PAM: variants seen among roughly 807,000 people sequenced by gnomAD.
The protein encoded by PAM is peptidyl-glycine alpha-amidating monooxygenase.
Under a neutral mutation model 122.1 loss-of-function variants are expected in PAM, and 72 were observed. That is an observed-to-expected ratio of 0.59 (90% CI 0.49 to 0.72). The LOEUF (loss-of-function observed/expected upper bound fraction) is 0.72. Among genes scored for constraint, PAM ranks in the 30% least tolerant of loss-of-function variants. The pLI, the probability that PAM is intolerant of heterozygous loss-of-function variation, is 0.00. For missense variants in PAM, 1,106 were observed against 1,183.7 expected (o/e 0.93, Z 0.96); for synonymous variants, 389 against 404.4 (o/e 0.96, Z 0.46).
chr5:103,005,318 T>C (rs375718677), intron 18 of PAM, 92 bp downstream of exon 18: 1 of 772,218 alleles, frequency 1.3e-6, no homozygotes, highest in East Asian at 2.5e-5. Flanking sequence ...TGTTTGTTTG[T>C]TTTTTCTTCT....
rs1438436024 is a variant in PAM, at chr5:102,867,186, G to A, written c.90-87G>A. 3 of 859,560 alleles carry A rather than the reference G, an allele frequency of 3.5e-6. No homozygotes were observed. The African/African-American group carries it at 5.0e-5, about 14-fold the overall frequency. The allele number at this position is 859,560 out of a possible 1,614,324, so 53.2% of individuals were successfully genotyped here. On this transcript the variant is annotated intron_variant, in intron 2 of 25. Transcript: ENST00000438793. The stretch of plus-strand genomic sequence containing the variant: ...TTGGGTTTAAATCAATCATCTTTAA[G>A]GTCATAGAATTCCTTTCTTTCCCCT...
chr5:102,866,390 G>A, intron 2 of PAM, 106 bp downstream of exon 2: 1 of 726,620 alleles, frequency 1.4e-6, no homozygotes, highest in South Asian at 1.6e-5. Context: ...GTTCTTTGCT[G>A]GAATGACTTG....
At chr5:102,782,345 A>G (rs1035594086) in intron 1 of PAM, among the ~76,000 whole-genome samples, 1 of 152,216 alleles carries the variant, frequency 6.6e-6, no homozygotes, top group African/African-American at 2.4e-5. Flanking sequence ...ATACAAAGTC[A>G]TCTTCCTTGT....
intron 4 of PAM, among the ~76,000 whole-genome samples, chr5:102,912,352 A>G (rs1801658912): frequency 6.6e-6 from 1 of 152,026 alleles, no homozygotes; most frequent in South Asian, 2.1e-4. Context: ...AGATGTTCAT[A>G]AAGTAGTATA....
At chr5:102,767,307 A>G (rs984931380) in intron 1 of PAM, among the ~76,000 whole-genome samples, 3 of 152,272 alleles carry the variant, frequency 2.0e-5, no homozygotes, top group South Asian at 2.1e-4. Context: ...TGGAGAATAT[A>G]TAAGTGCACC....
intron 5 of PAM, among the ~76,000 whole-genome samples, 175 bp from the exon 6 acceptor site, chr5:102,924,782 A>G (rs747709158): frequency 2.0e-5 from 3 of 151,772 alleles, no homozygotes; most frequent in Non-Finnish European, 4.4e-5. Flanking sequence ...TTTTTCACAC[A>G]GTAATAGTTC....
intron 7 of PAM, among the ~76,000 whole-genome samples, chr5:102,932,361 G>A (rs1751826768): frequency 6.6e-6 from 1 of 151,974 alleles, no homozygotes; most frequent in Non-Finnish European, 1.5e-5. Context: ...CGTGGTGTGT[G>A]CCTGTAATCC....
chr5:103,020,303 C>T (rs1443864031), intron 23 of PAM, among the ~76,000 whole-genome samples: 2 of 152,104 alleles, frequency 1.3e-5, no homozygotes, highest in South Asian at 4.1e-4. Context: ...TAGCTTCTAT[C>T]GTAGTACCAT....
chr5:102,963,882 A>T (rs190677087), intron 14 of PAM, among the ~76,000 whole-genome samples: 1 of 150,052 alleles, frequency 6.7e-6, no homozygotes, highest in Non-Finnish European at 1.5e-5. Flanking sequence ...TATATATAGT[A>T]TTATATATAT....
intron 1 of PAM, among the ~76,000 whole-genome samples, chr5:102,851,726 A>G (rs1781393752): frequency 6.6e-6 from 1 of 152,228 alleles, no homozygotes; most frequent in Non-Finnish European, 1.5e-5. Flanking sequence ...TTGTTTTAAT[A>G]TCTTAAAATA....
At chr5:102,990,148 T>G in intron 15 of PAM, 124 bp from the exon 16 acceptor site, 1 of 621,962 alleles carries the variant, frequency 1.6e-6, no homozygotes, top group Non-Finnish European at 2.6e-6. Flanking sequence ...CACGGCTTGA[T>G]TGTCTTTTTT....
chr5:102,892,806 A>T (rs760363731), intron 3 of PAM, among the ~76,000 whole-genome samples: 16 of 151,834 alleles, frequency 1.1e-4, no homozygotes, highest in Admixed American at 5.9e-4. Flanking sequence ...ATTTCAGGCA[A>T]TGTTATATGG....
intron 15 of PAM, among the ~76,000 whole-genome samples, chr5:102,984,304 A>G (rs1301223957): frequency 1.3e-5 from 2 of 152,242 alleles, no homozygotes; most frequent in African/African-American, 4.8e-5. Flanking sequence ...CTTAATGGAG[A>G]GAAAAATATA....
intron 7 of PAM, among the ~76,000 whole-genome samples, chr5:102,927,573 A>G (rs978334568): frequency 1.3e-5 from 2 of 152,122 alleles, no homozygotes; most frequent in African/African-American, 4.8e-5. Context: ...ATCTCTGCCT[A>G]TGAAATACCC....
intron 3 of PAM, among the ~76,000 whole-genome samples, chr5:102,898,142 A>G (rs2151363547): frequency 6.6e-6 from 1 of 151,744 alleles, no homozygotes; most frequent in South Asian, 2.1e-4. Flanking sequence ...TCCCAGTAGC[A>G]TCAGTAAAAA....
intron 3 of PAM, among the ~76,000 whole-genome samples, chr5:102,890,522 T>C (rs1794499200): frequency 6.6e-6 from 1 of 151,938 alleles, no homozygotes; most frequent in Admixed American, 6.6e-5. Flanking sequence ...TTATGTTGCT[T>C]ACATCATTTT....
intron 1 of PAM, among the ~76,000 whole-genome samples, chr5:102,800,384 A>G (rs1764394014): frequency 6.6e-6 from 1 of 152,138 alleles, no homozygotes; most frequent in South Asian, 2.1e-4. Context: ...ATTGTAATTT[A>G]TTTCTTTAAT....
At chr5:102,978,014 T>C (rs1018841571) in intron 15 of PAM, among the ~76,000 whole-genome samples, 1 of 152,218 alleles carries the variant, frequency 6.6e-6, no homozygotes, top group Non-Finnish European at 1.5e-5. Context: ...GAAAATGTTA[T>C]AGTACATTAA....
chr5:102,828,448 G>T (rs1031237226), intron 1 of PAM, among the ~76,000 whole-genome samples: 4 of 152,084 alleles, frequency 2.6e-5, no homozygotes, highest in Admixed American at 1.3e-4. Context: ...ATGAATACTG[G>T]CTGTGTCTGT....
Sources: gnomAD v4.1 joint callset for allele counts (sites outside exome capture counted in the v4.1 genomes callset) on GRCh38, gnomAD v4.1.1 for gene constraint, MANE v1.5 for transcripts, NCBI Gene and HGNC (gene_info 2026-07-23, HGNC 2026-07-21) for gene names.